Variants in SCOC observed in about 807,000 individuals in gnomAD.
The protein encoded by SCOC is short coiled-coil protein, also known as short coiled coil protein.
SCOC carries 7 observed loss-of-function variants against 9.9 expected under a neutral mutation model. The ratio of observed to expected loss-of-function variants is 0.71; its 90% CI spans 0.40 to 1.33. The LOEUF is 1.33. Among genes scored for constraint, SCOC ranks in the 40% most tolerant of loss-of-function variants. The pLI is 0.01. For synonymous variants in SCOC, 19 were observed against 28.2 expected (o/e 0.67, Z 1.03); for missense variants, 66 against 89.7 (o/e 0.74, Z 1.07).
chr4:140,333,236 T>C (rs1165290500), intron 1 of SCOC, among the ~76,000 whole-genome samples: 1 of 152,150 alleles, frequency 6.6e-6, no homozygotes, highest in African/African-American at 2.4e-5. Context: ...ACACCGTATA[T>C]AAAATAACAC....
chr4:140,380,450 G>A (rs978566850), intron 3 of SCOC, among the ~76,000 whole-genome samples: 22 of 151,634 alleles, frequency 1.5e-4, no homozygotes, highest in African/African-American at 4.8e-4. Flanking sequence ...CACCCGCCTC[G>A]GCCTCCCAAA....
In SCOC at chr4:140,318,276, A is replaced by G. The variant is rs1009823512; in HGVS notation, c.-18-25345A>G. Among the ~76,000 whole-genome samples the G allele has an allele frequency of 3.6e-3, 461 of 129,112 alleles. 1 individual carries two copies. Among genetic ancestry groups the G allele is most frequent in the Admixed American group, 6.9e-3 (91 of 13,116 alleles). 84.7% of individuals were successfully genotyped at this position (129,112 alleles called of 152,430 possible). ...CTTCTGCACAGCAAAAGAAACTACC[A>G]TCAGAGTGAACAGGCAACCTAAAAC... On this transcript the variant is annotated intron_variant, in intron 1 of 4. Coordinates refer to the SCOC transcript ENST00000394205.
chr4:140,362,207 C>T (rs1448377273), intron 2 of SCOC, among the ~76,000 whole-genome samples: 3 of 107,476 alleles, frequency 2.8e-5, no homozygotes, highest in Admixed American at 2.8e-4. Context: ...ACTAACTATC[C>T]TGGTAATTAC....
intron 2 of SCOC, chr4:140,366,238 T>C: frequency 8.7e-7 from 1 of 1,146,644 alleles, no homozygotes; most frequent in Non-Finnish European, 1.2e-6. Context: ...ATCACCTCTT[T>C]CTTGCCAAAC....
chr4:140,324,907 G>A (rs780588790), intron 1 of SCOC, among the ~76,000 whole-genome samples: 1 of 151,970 alleles, frequency 6.6e-6, no homozygotes, highest in Non-Finnish European at 1.5e-5. Flanking sequence ...AAAGTTGGAG[G>A]ATTCATGCTA....
chr4:140,291,849 A>T (rs1355342822), intron 1 of SCOC, among the ~76,000 whole-genome samples: 1 of 152,138 alleles, frequency 6.6e-6, no homozygotes, highest in East Asian at 1.9e-4. Flanking sequence ...AAAATATCTG[A>T]TGAATTTCCT....
chr4:140,295,929 T>TG (rs1489590509), intron 1 of SCOC, among the ~76,000 whole-genome samples: 1 of 54,594 alleles, frequency 1.8e-5, no homozygotes, highest in African/African-American at 1.8e-4. Context: ...AGACTCCGTC[T>TG]CAAAAAAAAA....
chr4:140,362,303 T>TCTTTTCTTCTTC (rs1253683051), intron 2 of SCOC, among the ~76,000 whole-genome samples: 1 of 44,258 alleles, frequency 2.3e-5, no homozygotes, highest in African/African-American at 6.9e-5. Context: ...CTTCTTCTTT[T>TCTTTTCTTCTTC]TTTTTTTTTT....
At chr4:140,271,426 T>A (rs1298408247) in intron 1 of SCOC, among the ~76,000 whole-genome samples, 1 of 152,224 alleles carries the variant, frequency 6.6e-6, no homozygotes, top group Admixed American at 6.5e-5. Context: ...TGCAGCTGGA[T>A]GCCACCTATT....
rs79370079 is a variant in SCOC at position 140,289,277 on chromosome 4, G to A, written c.-19+31867G>A. On this transcript the variant is annotated intron_variant, in intron 1 of 4. Coordinates refer to the SCOC transcript ENST00000394205. Reference sequence around the variant, plus strand: ...GACACAACACCACAAAGCAGCCTCCGAATTAATGCACACACTGCGTCCTAG... The same window carrying A: ...GACACAACACCACAAAGCAGCCTCCAAATTAATGCACACACTGCGTCCTAG... 5.0e-3 allele frequency among the ~76,000 whole-genome samples: 762 copies of A among 152,250 alleles called. 5 individuals carry two copies. Among genetic ancestry groups the A allele is most frequent in the African/African-American group, 0.017 (698 of 41,524 alleles).
At chr4:140,296,634 C>T (rs115418399) in intron 1 of SCOC, among the ~76,000 whole-genome samples, 3,660 of 152,226 alleles carry the variant, frequency 0.024, 110 homozygotes, top group African/African-American at 0.084. Flanking sequence ...GGCGGGTGAA[C>T]GAGGTATGCA....
intron 1 of SCOC, among the ~76,000 whole-genome samples, chr4:140,292,371 T>C (rs1731502475): frequency 6.6e-6 from 1 of 152,058 alleles, no homozygotes; most frequent in Admixed American, 6.6e-5. Flanking sequence ...GTATATTTAG[T>C]AGAGACAGGG....
At chr4:140,296,601 TCTC>T (rs1198540848) in intron 1 of SCOC, among the ~76,000 whole-genome samples, 1 of 152,138 alleles carries the variant, frequency 6.6e-6, no homozygotes, top group Non-Finnish European at 1.5e-5. Context: ...CACATCCTAA[TCTC>T]CTGGTAAACC....
At chr4:140,257,740 T>A (rs1730540344) in intron 1 of SCOC, among the ~76,000 whole-genome samples, 1 of 152,234 alleles carries the variant, frequency 6.6e-6, no homozygotes, top group Admixed American at 6.5e-5. Flanking sequence ...CAGTGCCTAG[T>A]GCATAATAAG....
intron 1 of SCOC, among the ~76,000 whole-genome samples, chr4:140,273,845 A>G (rs143179162): frequency 6.6e-6 from 1 of 152,358 alleles, no homozygotes; most frequent in Non-Finnish European, 1.5e-5. Context: ...ATTCTGCCCC[A>G]ATCAAAAGTG....
At chr4:140,310,421 C>T (rs905739021) in intron 1 of SCOC, among the ~76,000 whole-genome samples, 6 of 152,102 alleles carry the variant, frequency 3.9e-5, no homozygotes, top group African/African-American at 1.4e-4. Context: ...TTGGTATATC[C>T]TTTTTTACAA....
At position 140,381,415 on chromosome 4, in the gene SCOC, A is replaced by G. The variant is rs111526871; in HGVS notation, c.*311A>G. 4.5e-4 allele frequency: 79 copies of G among 175,318 alleles called. 1 individual carries two copies. The highest frequency in any genetic ancestry group is 1.7e-3 in the African/African-American group (71 of 42,042). The allele number at this position is 175,318 out of a possible 1,614,324, so 10.9% of individuals were successfully genotyped here. ...TCTTTTATTATAGGATTAGTAAGAT[A>G]TACAAGAAAATAACCACCGTGTTGT... is the stretch of plus-strand genomic sequence containing the variant. On this transcript the variant is annotated 3_prime_UTR_variant, in exon 4 of 4. Coordinates refer to ENST00000608372, the MANE Select transcript of SCOC (RefSeq NM_001153484.2).
chr4:140,323,160 C>A (rs1252933354), intron 1 of SCOC, among the ~76,000 whole-genome samples: 1 of 152,068 alleles, frequency 6.6e-6, no homozygotes, highest in East Asian at 1.9e-4. Context: ...GGGGCAGATA[C>A]CTCATGAATA....
At chr4:140,375,128 T>TGTA (rs1262086913) in intron 1 of SCOC, among the ~76,000 whole-genome samples, 1 of 152,222 alleles carries the variant, frequency 6.6e-6, no homozygotes, top group Non-Finnish European at 1.5e-5. Context: ...GGGCATTTGT[T>TGTA]GTAGTCTTGG....
Sources: allele counts gnomAD v4.1 joint callset (sites outside exome capture counted in the v4.1 genomes callset), GRCh38; gene constraint gnomAD v4.1.1; transcripts MANE v1.5; gene names NCBI Gene and HGNC (gene_info 2026-07-23, HGNC 2026-07-21).